The following SIPA1L1 variants were observed in gnomAD, a reference collection of about 807,000 sequenced individuals.
SIPA1L1 encodes the protein signal-induced proliferation-associated 1-like protein 1.
A neutral mutation model predicts 162.7 loss-of-function variants in SIPA1L1; 26 were observed. The observed-to-expected ratio is 0.16, with a 90% CI of 0.12 to 0.22. SIPA1L1 has a LOEUF of 0.22. Ranked by LOEUF, SIPA1L1 falls within the 10% of genes least tolerant of loss-of-function variation. SIPA1L1 has a pLI of 1.00. For synonymous variants in SIPA1L1, 829 were observed against 837.4 expected (o/e 0.99, Z 0.17); for missense variants, 1,874 against 2,241.0 (o/e 0.84, Z 3.31).
chr14:71,526,240 C>G (rs1595905121), intron 3 of SIPA1L1, among the ~76,000 whole-genome samples: 1 of 152,108 alleles, frequency 6.6e-6, no homozygotes, highest in South Asian at 2.1e-4. Context: ...TAAATTTATA[C>G]CTTAATGAAT....
At chr14:71,446,754 G>A (rs2045374994) in intron 2 of SIPA1L1, among the ~76,000 whole-genome samples, 1 of 151,990 alleles carries the variant, frequency 6.6e-6, no homozygotes, top group South Asian at 2.1e-4. Flanking sequence ...GACTTTTTCT[G>A]TTGCAGTCCC....
intron 2 of SIPA1L1, among the ~76,000 whole-genome samples, chr14:71,356,096 G>A (rs920932391): frequency 2.0e-5 from 3 of 152,154 alleles, no homozygotes; most frequent in African/African-American, 7.2e-5. Flanking sequence ...AGGAACCCAA[G>A]CAAGACTCAC....
chr14:71,596,679 A>G (rs932181173), intron 5 of SIPA1L1, among the ~76,000 whole-genome samples: 1 of 152,194 alleles, frequency 6.6e-6, no homozygotes, highest in Non-Finnish European at 1.5e-5. Flanking sequence ...CATGGTATTT[A>G]TAGCCTCCAA....
intron 2 of SIPA1L1, among the ~76,000 whole-genome samples, chr14:71,465,720 C>G (rs2046943228): frequency 6.6e-6 from 1 of 152,126 alleles, no homozygotes; most frequent in South Asian, 2.1e-4. Flanking sequence ...TATTAGGGTT[C>G]TCTAGAGGGA....
Position 71,675,233 on chromosome 14 carries a change from G to A in SIPA1L1, c.3104+2611G>A, listed in dbSNP as rs112628138. On this transcript the variant is annotated intron_variant, in intron 12 of 23. Coordinates refer to ENST00000381232, the MANE Select transcript of SIPA1L1 (RefSeq NM_001386936.1). The stretch of plus-strand genomic sequence containing the variant: ...CGCTGTGACGCTCTCAGGCCTTCCC[G>A]GAGGAGCCAGTGGAGCTGCCAGTGA... Among the ~76,000 whole-genome samples the A allele has an allele frequency of 5.1e-3, 784 of 152,326 alleles. 8 individuals are homozygous for A. Among genetic ancestry groups the A allele is most frequent in the African/African-American group, 0.016 (680 of 41,566 alleles).
intron 13 of SIPA1L1, among the ~76,000 whole-genome samples, chr14:71,689,123 C>T (rs954564879): frequency 3.3e-5 from 5 of 152,128 alleles, no homozygotes; most frequent in Admixed American, 6.5e-5. Flanking sequence ...AATAAATCTG[C>T]ATAATATTTT....
intron 2 of SIPA1L1, among the ~76,000 whole-genome samples, chr14:71,326,002 C>T (rs1235812261): frequency 6.6e-6 from 1 of 152,138 alleles, no homozygotes; most frequent in African/African-American, 2.4e-5. Flanking sequence ...TCAAAGGCAA[C>T]TTGAGCAGAA....
At chr14:71,618,625 A>G in intron 5 of SIPA1L1, 132 bp from the exon 6 acceptor site, 2 of 795,754 alleles carry the variant, frequency 2.5e-6, no homozygotes, top group East Asian at 2.8e-5. Context: ...ACTGAAGAAT[A>G]TTAATATTTG....
chr14:71,389,955 C>G (rs761366823), intron 2 of SIPA1L1, among the ~76,000 whole-genome samples: 1 of 152,184 alleles, frequency 6.6e-6, no homozygotes. Context: ...AATATAAGTC[C>G]TTTGTCACAT....
chr14:71,664,299 G>A (rs1367098996), intron 10 of SIPA1L1, among the ~76,000 whole-genome samples: 1 of 152,042 alleles, frequency 6.6e-6, no homozygotes, highest in Non-Finnish European at 1.5e-5. Flanking sequence ...GGGGTGGTTT[G>A]GTGGAAAAAC....
intron 8 of SIPA1L1, among the ~76,000 whole-genome samples, chr14:71,652,898 A>G (rs865927070): frequency 1.4e-4 from 21 of 152,022 alleles, no homozygotes; most frequent in South Asian, 8.3e-4. Flanking sequence ...TTGTTTCAAA[A>G]TGTTCATCTG....
rs185728200 is a variant in SIPA1L1 at position 71,496,214 on chromosome 14, G to A, written c.-464-16529G>A. ...CTGGGTGTGGTGGCATATGCCTGTG[G>A]TCCCAGCTACTCAAGAAGCTGAAGC... is the stretch of plus-strand genomic sequence containing the variant. On this transcript the variant is annotated intron_variant, in intron 2 of 23. Transcript: ENST00000381232. 2.0e-5 allele frequency among the ~76,000 whole-genome samples: 3 copies of A among 152,180 alleles called. No homozygotes were observed. In the East Asian group the frequency reaches 5.8e-4, roughly 29 times the overall value.
intron 14 of SIPA1L1, 68 bp downstream of exon 14, chr14:71,699,195 A>G: frequency 5.6e-6 from 8 of 1,436,608 alleles, no homozygotes; most frequent in Non-Finnish European, 5.8e-6. Flanking sequence ...GTACTCAGAC[A>G]TGTAAAATGA....
At chr14:71,621,726 C>G (rs769105144) in intron 6 of SIPA1L1, among the ~76,000 whole-genome samples, 1 of 152,176 alleles carries the variant, frequency 6.6e-6, no homozygotes, top group African/African-American at 2.4e-5. Context: ...CCGAGTTGTT[C>G]AGTACAACGT....
At chr14:71,680,243 A>G (rs899049852) in intron 12 of SIPA1L1, among the ~76,000 whole-genome samples, 1 of 152,236 alleles carries the variant, frequency 6.6e-6, no homozygotes, top group African/African-American at 2.4e-5. Flanking sequence ...ACCACAGTGC[A>G]ATCAAACTAG....
At chr14:71,634,553 C>G (rs1163691424) in intron 7 of SIPA1L1, among the ~76,000 whole-genome samples, 1 of 151,740 alleles carries the variant, frequency 6.6e-6, no homozygotes, top group Admixed American at 6.6e-5. Context: ...ATTCTGTGTT[C>G]AGGGAGAATA....
At chr14:71,388,642 G>A (rs1036119697) in intron 2 of SIPA1L1, among the ~76,000 whole-genome samples, 4 of 152,188 alleles carry the variant, frequency 2.6e-5, no homozygotes, top group African/African-American at 9.7e-5. Context: ...GAGAATGAGA[G>A]GCTAAAGATA....
intron 2 of SIPA1L1, among the ~76,000 whole-genome samples, chr14:71,492,310 T>C (rs1188417792): frequency 6.6e-6 from 1 of 152,160 alleles, no homozygotes; most frequent in East Asian, 1.9e-4. Context: ...TTAGAAGTTT[T>C]AATCTTCAAT....
chr14:71,598,702 G>A (rs573753296), intron 5 of SIPA1L1, among the ~76,000 whole-genome samples: 3 of 152,124 alleles, frequency 2.0e-5, no homozygotes, highest in African/African-American at 4.8e-5. Context: ...GGTGAAATTC[G>A]AATAAGAACT....
Sources: gnomAD v4.1 joint callset for allele counts (sites outside exome capture counted in the v4.1 genomes callset) on GRCh38, gnomAD v4.1.1 for gene constraint, MANE v1.5 for transcripts, NCBI Gene and HGNC (gene_info 2026-07-23, HGNC 2026-07-21) for gene names.